The following SGMS1 variants were observed in gnomAD, a reference collection of about 807,000 sequenced individuals.
The protein encoded by SGMS1 is phosphatidylcholine:ceramide cholinephosphotransferase 1.
Under a neutral mutation model 46.2 loss-of-function variants are expected in SGMS1, and 13 were observed. The ratio of observed to expected loss-of-function variants is 0.28; its 90% confidence interval spans 0.18 to 0.45. The LOEUF (loss-of-function observed/expected upper bound fraction) is 0.45, where lower values mean the gene tolerates loss of function less well. Among genes scored for constraint, SGMS1 ranks in the 20% least tolerant of loss-of-function variants. SGMS1 has a pLI of 1.00. For missense variants in SGMS1, 324 were observed against 519.9 expected (o/e 0.62, Z 3.66); for synonymous variants, 203 against 187.8 (o/e 1.08, Z -0.66).
At chr10:50,503,180 T>C (rs1837676164) in intron 3 of SGMS1, among the ~76,000 whole-genome samples, 1 of 152,212 alleles carries the variant, frequency 6.6e-6, no homozygotes, top group Non-Finnish European at 1.5e-5. Flanking sequence ...CATCTTCCCT[T>C]GTCACTGATG....
intron 7 of SGMS1, among the ~76,000 whole-genome samples, chr10:50,341,812 G>A (rs1319592697): frequency 6.6e-6 from 1 of 152,150 alleles, no homozygotes; most frequent in Non-Finnish European, 1.5e-5. Flanking sequence ...AAAGCTTAAA[G>A]AGAAATAGAT....
chr10:50,359,693 A>C (rs1041483241), intron 6 of SGMS1, among the ~76,000 whole-genome samples: 2 of 151,622 alleles, frequency 1.3e-5, no homozygotes, highest in African/African-American at 4.9e-5. Flanking sequence ...AAAAAAAAAA[A>C]AACTAGAAAA....
chr10:50,446,259 C>G (rs981818952), intron 5 of SGMS1, among the ~76,000 whole-genome samples: 3 of 152,134 alleles, frequency 2.0e-5, no homozygotes, highest in Non-Finnish European at 4.4e-5. Context: ...CACTCCCTCC[C>G]TTTTTGAAAA....
At chr10:50,559,312 G>A (rs946274249) in intron 2 of SGMS1, among the ~76,000 whole-genome samples, 1 of 152,134 alleles carries the variant, frequency 6.6e-6, no homozygotes, top group African/African-American at 2.4e-5. Flanking sequence ...AGCCCACCCT[G>A]ACCCAGCTGC....
chr10:50,492,832 C>T (rs1247146884), intron 3 of SGMS1, among the ~76,000 whole-genome samples: 1 of 152,062 alleles, frequency 6.6e-6, no homozygotes, highest in Non-Finnish European at 1.5e-5. Flanking sequence ...AAAAAGAGCC[C>T]CAGCAGCCAA....
At chr10:50,463,198 A>T (rs1165030419) in intron 4 of SGMS1, among the ~76,000 whole-genome samples, 1 of 152,214 alleles carries the variant, frequency 6.6e-6, no homozygotes, top group African/African-American at 2.4e-5. Context: ...GGACTACATC[A>T]AACTTAAAAA....
At chr10:50,469,288 C>T (rs1220953960) in intron 3 of SGMS1, among the ~76,000 whole-genome samples, 2 of 152,128 alleles carry the variant, frequency 1.3e-5, no homozygotes, top group East Asian at 3.9e-4. Flanking sequence ...TCTTGACACT[C>T]CTTCCTCCTG....
At chr10:50,574,963 G>GTGTATATATATATATA (rs1554793448) in intron 2 of SGMS1, among the ~76,000 whole-genome samples, 5 of 99,864 alleles carry the variant, frequency 5.0e-5, no homozygotes, top group Non-Finnish European at 6.7e-5. Flanking sequence ...AAAATGTGGT[G>GTGTATATATATATATA]TATATATATA....
rs1331990694 is a variant in SGMS1, at chr10:50,353,665, G to T, written c.-231-9320C>A. On this transcript the variant is annotated intron_variant, in intron 6 of 10. Coordinates refer to ENST00000361781, the MANE Select transcript of SGMS1 (RefSeq NM_147156.4). Reference sequence around the variant, plus strand: ...AGTCAAATTGTCCCTGTTTGCAGATGACATGATTTTATATCTAGAAAACCC... The same window carrying T: ...AGTCAAATTGTCCCTGTTTGCAGATTACATGATTTTATATCTAGAAAACCC... Among the ~76,000 whole-genome samples, 3 of 152,416 alleles carry T rather than the reference G, an allele frequency of 2.0e-5. No individual in the cohort carries two copies. The East Asian group carries it at 5.8e-4, about 29-fold the overall frequency.
intron 3 of SGMS1, among the ~76,000 whole-genome samples, chr10:50,494,575 A>G (rs763647904): frequency 1.3e-4 from 20 of 152,184 alleles, no homozygotes; most frequent in Non-Finnish European, 2.5e-4. Context: ...GAGCTAAATG[A>G]TAAGAACACA....
intron 3 of SGMS1, among the ~76,000 whole-genome samples, chr10:50,489,170 G>A (rs1837547558): frequency 6.6e-6 from 1 of 152,154 alleles, no homozygotes; most frequent in African/African-American, 2.4e-5. Context: ...AATTATTGAA[G>A]TGGGCATAAG....
intron 1 of SGMS1, among the ~76,000 whole-genome samples, chr10:50,595,321 G>A (rs972119805): frequency 1.6e-4 from 24 of 152,092 alleles, no homozygotes; most frequent in African/African-American, 5.1e-4. Flanking sequence ...GACTACAGGC[G>A]CACACCACCA....
chr10:50,623,616 C>T (rs1033139405), intron 1 of SGMS1, 91 bp downstream of exon 1: 8 of 985,334 alleles, frequency 8.1e-6, no homozygotes, highest in Non-Finnish European at 9.6e-6. Flanking sequence ...CCGCCCGCTG[C>T]TCCCCGGCAT....
intron 3 of SGMS1, among the ~76,000 whole-genome samples, chr10:50,481,322 A>T (rs1157643095): frequency 6.6e-6 from 1 of 152,196 alleles, no homozygotes; most frequent in Admixed American, 6.5e-5. Context: ...CAGAGCTCCC[A>T]GAGGAAAAAC....
At chr10:50,584,625 C>T (rs1838466090) in intron 2 of SGMS1, among the ~76,000 whole-genome samples, 1 of 152,020 alleles carries the variant, frequency 6.6e-6, no homozygotes, top group Non-Finnish European at 1.5e-5. Context: ...ACATTCCTTC[C>T]CTGTGGTTTC....
chr10:50,338,037 G>C (rs553767640), intron 7 of SGMS1, among the ~76,000 whole-genome samples: 2 of 152,094 alleles, frequency 1.3e-5, no homozygotes, highest in African/African-American at 4.8e-5. Flanking sequence ...AAAACCCCTA[G>C]AAACAGTTCT....
chr10:50,549,311 T>C (rs1005019856), intron 2 of SGMS1, among the ~76,000 whole-genome samples: 6 of 152,150 alleles, frequency 3.9e-5, no homozygotes, highest in Non-Finnish European at 7.3e-5. Context: ...CCATCAGTGA[T>C]AGACTGGATA....
At chr10:50,467,597 C>T (rs923939091) in intron 3 of SGMS1, among the ~76,000 whole-genome samples, 11 of 152,188 alleles carry the variant, frequency 7.2e-5, no homozygotes, top group Non-Finnish European at 4.4e-5. Context: ...TTAGTAAGCC[C>T]AGAAATCTTG....
In SGMS1 at chr10:50,305,647, T is replaced by C. The variant is rs968800788; in HGVS notation, c.*1495A>G. Reference sequence around the variant, plus strand: ...ATTAAAAAGTGCATTTTGATTAATTTATGATCTAGGTAAGCTGTAAGATAC... The same window carrying C: ...ATTAAAAAGTGCATTTTGATTAATTCATGATCTAGGTAAGCTGTAAGATAC... On this transcript the variant is annotated 3_prime_UTR_variant, in exon 11 of 11. Transcript: ENST00000361781. 1.3e-5 allele frequency: 2 copies of C among 152,752 alleles called. No individual in the cohort carries two copies. Among genetic ancestry groups the C allele is most frequent in the Admixed American group, 1.3e-4 (2 of 15,290 alleles). 9.5% of individuals were successfully genotyped at this position (152,752 alleles called of 1,614,324 possible). A position where few individuals can be genotyped will look rare whatever the true frequency, so the allele number is the denominator to read the frequency against.
Sources: gnomAD v4.1 joint callset for allele counts (sites outside exome capture counted in the v4.1 genomes callset) on GRCh38, gnomAD v4.1.1 for gene constraint, MANE v1.5 for transcripts, NCBI Gene and HGNC (gene_info 2026-07-23, HGNC 2026-07-21) for gene names.